DCBLD2: variants seen among roughly 807,000 people sequenced by gnomAD.
DCBLD2 encodes the protein discoidin, CUB and LCCL domain-containing protein 2.
A neutral mutation model predicts 86.8 loss-of-function variants in DCBLD2; 54 were observed. The ratio of observed to expected loss-of-function variants is 0.62; its 90% CI spans 0.50 to 0.78. The LOEUF (loss-of-function observed/expected upper bound fraction) is 0.78. Ranked by LOEUF, DCBLD2 falls within the 30% of genes least tolerant of loss-of-function variation. DCBLD2 has a pLI of 0.00. For missense variants in DCBLD2, 908 were observed against 954.2 expected (o/e 0.95, Z 0.64); for synonymous variants, 354 against 341.3 (o/e 1.04, Z -0.41).
At chr3:98,822,465 C>T in intron 5 of DCBLD2, 104 bp from the exon 6 acceptor site, 1 of 1,385,938 alleles carries the variant, frequency 7.2e-7, no homozygotes, top group Non-Finnish European at 9.6e-7. Context: ...GCAGTTTCTT[C>T]ATAAACTTCA....
intron 2 of DCBLD2, among the ~76,000 whole-genome samples, chr3:98,880,479 A>T (rs927917641): frequency 1.3e-5 from 2 of 152,188 alleles, no homozygotes; most frequent in Non-Finnish European, 2.9e-5. Context: ...AGGTTTTTAA[A>T]CGTGACTGCA....
At chr3:98,854,417 T>C (rs944494621) in intron 2 of DCBLD2, among the ~76,000 whole-genome samples, 1 of 152,158 alleles carries the variant, frequency 6.6e-6, no homozygotes, top group Non-Finnish European at 1.5e-5. Flanking sequence ...TCATTTCTCT[T>C]ATACTGTGAA....
At chr3:98,829,336 A>T (rs1942281077) in intron 3 of DCBLD2, among the ~76,000 whole-genome samples, 1 of 152,044 alleles carries the variant, frequency 6.6e-6, no homozygotes, top group Admixed American at 6.6e-5. Flanking sequence ...CAGGATTGTT[A>T]TATAGGTAAA....
intron 2 of DCBLD2, among the ~76,000 whole-genome samples, chr3:98,858,187 T>A (rs1942972394): frequency 6.6e-6 from 1 of 152,320 alleles, no homozygotes; most frequent in East Asian, 1.9e-4. Context: ...CCTCACTGCC[T>A]GGGGCTGGCA....
At chr3:98,858,655 G>A (rs1371094073) in intron 2 of DCBLD2, among the ~76,000 whole-genome samples, 1 of 152,120 alleles carries the variant, frequency 6.6e-6, no homozygotes. Flanking sequence ...ATCTGGTAAG[G>A]GGTTAATACC....
chr3:98,860,553 C>G (rs1293672247), intron 2 of DCBLD2, among the ~76,000 whole-genome samples: 9 of 152,170 alleles, frequency 5.9e-5, no homozygotes, highest in African/African-American at 2.2e-4. Flanking sequence ...AGCCAGAAGA[C>G]AGTAGGGGCC....
chr3:98,871,105 T>G (rs963868784), intron 2 of DCBLD2, among the ~76,000 whole-genome samples: 1 of 152,038 alleles, frequency 6.6e-6, no homozygotes, highest in African/African-American at 2.4e-5. Flanking sequence ...TATTGGTATA[T>G]AGCAGTAGTA....
intron 3 of DCBLD2, 94 bp from the exon 4 acceptor site, chr3:98,825,460 T>C (rs73138004): frequency 0.14 from 136,961 of 961,810 alleles, 10,628 homozygotes; most frequent in Middle Eastern, 0.19. Context: ...TGTACTACTC[T>C]AATTTTCAAA....
At chr3:98,871,420 T>C (rs1559794910) in intron 2 of DCBLD2, among the ~76,000 whole-genome samples, 1 of 152,184 alleles carries the variant, frequency 6.6e-6, no homozygotes, top group Non-Finnish European at 1.5e-5. Context: ...TGTGAGTTTG[T>C]CATATATGGC....
In DCBLD2 at chr3:98,888,715, A is replaced by G. The variant is rs139839883; in HGVS notation, c.206-6948T>C. On this transcript the variant is annotated intron_variant, in intron 1 of 15. Transcript: ENST00000326840. ...TGGCGAAAGTTAAGAGAACAATGGC[A>G]CATTATTTTAGGAAATTTAAATTTA... Among the ~76,000 whole-genome samples the G allele has an allele frequency of 5.5e-3, 832 of 152,168 alleles. 8 individuals are homozygous for G. Among genetic ancestry groups the G allele is most frequent in the African/African-American group, 0.019 (789 of 41,540 alleles).
chr3:98,849,561 T>G lies in DCBLD2; in HGVS notation c.471A>C (p.Ser157=). ...TGATTTCATTGCCTTTTGATTCAATTGAATGGTTCATTTGCAACCCCAGAC... is the reference window on the plus strand; with the variant it reads ...TGATTTCATTGCCTTTTGATTCAATGGAATGGTTCATTTGCAACCCCAGAC... ...YCGLGLQMNH[S]IESKGNEITL... Residue 157 remains serine, a synonymous_variant, in exon 3 of 16, where the codon TCA becomes TCC. Coordinates refer to ENST00000326840, the MANE Select transcript of DCBLD2 (RefSeq NM_080927.4). 1 of 1,613,806 alleles carries G rather than the reference T, an allele frequency of 6.2e-7. No homozygotes were observed.
chr3:98,855,511 T>C (rs1942917528), intron 2 of DCBLD2, among the ~76,000 whole-genome samples: 1 of 152,226 alleles, frequency 6.6e-6, no homozygotes, highest in Non-Finnish European at 1.5e-5. Context: ...GTGTCAGTTT[T>C]ACCACACTCA....
Position 98,901,273 on chromosome 3 carries a change from G to C in DCBLD2, c.54C>G (p.Val18=), listed in dbSNP as rs1306016120. The change falls in exon 1 of 16, where the codon GTC becomes GTG. Residue 18 remains valine (V), a synonymous_variant. Coordinates refer to ENST00000326840, the MANE Select transcript of DCBLD2 (RefSeq NM_080927.4). ...RARRCPQCPQ[V]RAAAAAPAWA... is the part of the protein sequence containing the mutation. The stretch of plus-strand genomic sequence containing the variant: ...AGGCGGGGGCGGCGGCCGCGGCCCG[G>C]ACTTGGGGACACTGCGGGCAGCGCC... The C allele has an allele frequency of 4.6e-6, 7 of 1,528,344 alleles. No homozygotes were observed. Among genetic ancestry groups the C allele is most frequent in the South Asian group, 1.2e-5 (1 of 83,700 alleles). 94.7% of individuals were successfully genotyped at this position (1,528,344 alleles called of 1,614,324 possible).
At chr3:98,863,978 G>C (rs978102808) in intron 2 of DCBLD2, among the ~76,000 whole-genome samples, 2 of 152,216 alleles carry the variant, frequency 1.3e-5, no homozygotes, top group Admixed American at 6.5e-5. Flanking sequence ...GGCTAATATT[G>C]AGAATCTACA....
chr3:98,877,593 C>CAT (rs369157196), intron 2 of DCBLD2, among the ~76,000 whole-genome samples: 1 of 150,932 alleles, frequency 6.6e-6, no homozygotes, highest in East Asian at 1.9e-4. Context: ...AAAGATATAA[C>CAT]AGGTACATGT....
At chr3:98,890,104 T>C (rs1330910596) in intron 1 of DCBLD2, among the ~76,000 whole-genome samples, 2 of 152,066 alleles carry the variant, frequency 1.3e-5, no homozygotes, top group South Asian at 2.1e-4. Context: ...GGTTGAATTG[T>C]GTCCCTCAAA....
At chr3:98,888,492 CA>C (rs1468408244) in intron 1 of DCBLD2, among the ~76,000 whole-genome samples, 1 of 151,874 alleles carries the variant, frequency 6.6e-6, no homozygotes, top group Non-Finnish European at 1.5e-5. Context: ...ACAGTTTTGC[CA>C]GGGGTAAAAT....
intron 1 of DCBLD2, among the ~76,000 whole-genome samples, chr3:98,885,112 C>G (rs1943538816): frequency 1.3e-5 from 2 of 151,998 alleles, no homozygotes; most frequent in Admixed American, 1.3e-4. Context: ...ACAGAGTTGT[C>G]TTTTTTCATA....
chr3:98,853,544 T>C lies in DCBLD2; in HGVS notation c.434-3946A>G, dbSNP rs547306868. The stretch of plus-strand genomic sequence containing the variant: ...TCCTTTATTTCATCTGTCTAGACCC[T>C]GTTGGCAGTGAGCTTGTAGCCACTT... On this transcript the variant is annotated intron_variant, in intron 2 of 15. Transcript: ENST00000326840. Among the ~76,000 whole-genome samples the C allele has an allele frequency of 5.3e-5, 8 of 152,340 alleles. 1 individual carries two copies. The South Asian group carries it at 1.7e-3, about 32-fold the overall frequency.
Sources: allele counts gnomAD v4.1 joint callset (sites outside exome capture counted in the v4.1 genomes callset), GRCh38; gene constraint gnomAD v4.1.1; transcripts MANE v1.5; gene names NCBI Gene and HGNC (gene_info 2026-07-23, HGNC 2026-07-21).